The following ADK variants were observed in gnomAD, a reference collection of about 807,000 sequenced individuals.
The protein encoded by ADK is adenosine kinase.
ADK carries 24 observed loss-of-function variants against 44.7 expected under a neutral mutation model. That is an observed-to-expected ratio of 0.54 (90% CI 0.39 to 0.76). The LOEUF (loss-of-function observed/expected upper bound fraction) is 0.76. Ranked by LOEUF, ADK falls within the 30% of genes least tolerant of loss-of-function variation. The pLI is 0.00. For synonymous variants in ADK, 128 were observed against 142.6 expected, an observed-to-expected ratio of 0.90 and a Z score of 0.73; for missense variants, 321 against 425.1, an observed-to-expected ratio of 0.76 and a Z score of 2.15.
chr10:74,480,248 A>G (rs1467943789), intron 6 of ADK, among the ~76,000 whole-genome samples: 1 of 146,182 alleles, frequency 6.8e-6, no homozygotes, highest in Non-Finnish European at 1.5e-5. Flanking sequence ...TTTTAAAGAG[A>G]CAGAGTCTCA....
intron 6 of ADK, among the ~76,000 whole-genome samples, chr10:74,400,452 G>A (rs1378011337): frequency 2.6e-5 from 4 of 152,112 alleles, no homozygotes; most frequent in East Asian, 3.8e-4. Context: ...AGCATAATTC[G>A]TATTTATTGA....
chr10:74,506,771 T>A (rs1014751820), intron 6 of ADK, among the ~76,000 whole-genome samples: 5 of 152,254 alleles, frequency 3.3e-5, no homozygotes, highest in Non-Finnish European at 7.3e-5. Context: ...TGATAGATTT[T>A]AACTTTTTAT....
intron 6 of ADK, among the ~76,000 whole-genome samples, chr10:74,460,912 A>G (rs1846154488): frequency 6.6e-6 from 1 of 152,206 alleles, no homozygotes; most frequent in Non-Finnish European, 1.5e-5. Flanking sequence ...TCTCTGTCAG[A>G]AATTATGTCA....
At chr10:74,444,784 T>C (rs1386951270) in intron 6 of ADK, among the ~76,000 whole-genome samples, 1 of 152,048 alleles carries the variant, frequency 6.6e-6, no homozygotes, top group African/African-American at 2.4e-5. Context: ...AATATCTTGA[T>C]CCATTACTTT....
At chr10:74,183,144 A>G (rs780436294) in intron 1 of ADK, among the ~76,000 whole-genome samples, 5 of 152,174 alleles carry the variant, frequency 3.3e-5, no homozygotes, top group Non-Finnish European at 4.4e-5. Flanking sequence ...CATATTGTCC[A>G]GGCTGGCTTT....
intron 8 of ADK, among the ~76,000 whole-genome samples, chr10:74,593,738 A>G (rs1003852042): frequency 3.9e-5 from 6 of 152,228 alleles, no homozygotes; most frequent in African/African-American, 1.4e-4. Flanking sequence ...GTGTGGAAAC[A>G]CTACAGTTGG....
chr10:74,509,936 G>A (rs893786375), intron 6 of ADK, among the ~76,000 whole-genome samples: 11 of 151,868 alleles, frequency 7.2e-5, no homozygotes, highest in African/African-American at 2.4e-4. Flanking sequence ...ATGGCTGAAT[G>A]GTTTTTCTTT....
intron 9 of ADK, among the ~76,000 whole-genome samples, chr10:74,614,601 C>T (rs1182649680): frequency 6.6e-6 from 1 of 152,100 alleles, no homozygotes; most frequent in South Asian, 2.1e-4. Flanking sequence ...CTACTACTGA[C>T]AGTTAGCTTT....
intron 2 of ADK, among the ~76,000 whole-genome samples, chr10:74,217,106 C>G (rs1844071847): frequency 6.6e-6 from 1 of 152,222 alleles, no homozygotes; most frequent in African/African-American, 2.4e-5. Context: ...AGGGAGTTCC[C>G]TTTCCTAGTC....
intron 10 of ADK, among the ~76,000 whole-genome samples, chr10:74,703,338 C>T (rs907474226): frequency 2.6e-5 from 4 of 151,740 alleles, no homozygotes; most frequent in Non-Finnish European, 5.9e-5. Context: ...AAAAATTAGC[C>T]AGGCGTTGTG....
intron 1 of ADK, among the ~76,000 whole-genome samples, chr10:74,169,737 G>C (rs1036664263): frequency 6.6e-6 from 1 of 152,196 alleles, no homozygotes; most frequent in Non-Finnish European, 1.5e-5. Flanking sequence ...AGATTTAGCA[G>C]TGTTTCTTTG....
rs72818596 is a variant in ADK at position 74,488,230 on chromosome 10, A to G, written c.556-37026A>G. On this transcript the variant is annotated intron_variant, in intron 6 of 10. Transcript: ENST00000539909. Reference sequence around the variant, plus strand: ...CTAAAGAGACTTAAGCAAATGTAGTATTAGATCCTTGACTATATATTAGAT... The same window carrying G: ...CTAAAGAGACTTAAGCAAATGTAGTGTTAGATCCTTGACTATATATTAGAT... Among the ~76,000 whole-genome samples the G allele has an allele frequency of 2.9e-3, 440 of 152,068 alleles. 1 individual carries two copies. Among genetic ancestry groups the G allele is most frequent in the Non-Finnish European group, 5.2e-3 (351 of 67,868 alleles).
chr10:74,633,067 A>G (rs1853496954), intron 9 of ADK, among the ~76,000 whole-genome samples: 1 of 152,136 alleles, frequency 6.6e-6, no homozygotes, highest in African/African-American at 2.4e-5. Context: ...TTAGTATTTT[A>G]ATTTTTATGA....
At chr10:74,561,992 A>G (rs1016990601) in intron 7 of ADK, among the ~76,000 whole-genome samples, 5 of 152,194 alleles carry the variant, frequency 3.3e-5, no homozygotes, top group African/African-American at 9.6e-5. Context: ...TTAACTGTCT[A>G]TATCTGGTGC....
At chr10:74,483,501 T>C (rs1207403197) in intron 6 of ADK, among the ~76,000 whole-genome samples, 1 of 152,210 alleles carries the variant, frequency 6.6e-6, no homozygotes, top group Non-Finnish European at 1.5e-5. Flanking sequence ...TTATGCAAAT[T>C]TCTACAGCCA....
At chr10:74,670,408 A>C in intron 10 of ADK, 139 bp downstream of exon 10, 1 of 695,488 alleles carries the variant, frequency 1.4e-6, no homozygotes, top group South Asian at 1.7e-5. Context: ...CTTTCCATAT[A>C]CTTCTATCAT....
At chr10:74,320,152 A>G (rs970579274) in intron 4 of ADK, among the ~76,000 whole-genome samples, 1 of 152,172 alleles carries the variant, frequency 6.6e-6, no homozygotes, top group Non-Finnish European at 1.5e-5. Context: ...GGGCAGGTCT[A>G]TTGTTAACAA....
intron 6 of ADK, among the ~76,000 whole-genome samples, chr10:74,524,686 C>A (rs1848970860): frequency 6.6e-6 from 1 of 152,098 alleles, no homozygotes; most frequent in African/African-American, 2.4e-5. Context: ...ATTCATTGTA[C>A]CCAGCCAGAA....
chr10:74,200,924 G>A (rs1843355462), intron 2 of ADK, 86 bp downstream of exon 2: 4 of 917,130 alleles, frequency 4.4e-6, no homozygotes, highest in South Asian at 4.2e-5. Context: ...ATTTACCACC[G>A]AATGTCTTCA....
Sources: allele counts gnomAD v4.1 joint callset (sites outside exome capture counted in the v4.1 genomes callset), GRCh38; gene constraint gnomAD v4.1.1; transcripts MANE v1.5; gene names NCBI Gene and HGNC (gene_info 2026-07-23, HGNC 2026-07-21).